The following RIMS1 variants were observed in gnomAD, a reference collection of about 807,000 sequenced individuals.
RIMS1 encodes regulating synaptic membrane exocytosis protein 1.
A neutral mutation model predicts 214.1 loss-of-function variants in RIMS1; 83 were observed. The observed-to-expected ratio is 0.39, with a 90% CI of 0.32 to 0.47. The LOEUF is 0.47. Ranked by LOEUF, RIMS1 falls within the 20% of genes least tolerant of loss-of-function variation. The pLI, the probability that RIMS1 is intolerant of heterozygous loss-of-function variation, is 0.99. For missense variants in RIMS1, 2,050 were observed against 2,161.8 expected (o/e 0.95, Z 1.03); for synonymous variants, 793 against 786.8 (o/e 1.01, Z -0.13).
chr6:72,301,027 G>T (rs999158351), intron 26 of RIMS1, among the ~76,000 whole-genome samples: 3 of 151,708 alleles, frequency 2.0e-5, no homozygotes, highest in Non-Finnish European at 4.4e-5. Context: ...TTTCACTTAT[G>T]TGTTACTCAC....
intron 4 of RIMS1, among the ~76,000 whole-genome samples, chr6:72,137,754 T>G (rs779996776): frequency 0.024 from 3,615 of 148,166 alleles, 43 homozygotes; most frequent in Admixed American, 0.042. Context: ...TTTTTTTTTT[T>G]GAGATGGAGT....
At chr6:72,308,820 A>G (rs927609406) in intron 27 of RIMS1, among the ~76,000 whole-genome samples, 2 of 152,114 alleles carry the variant, frequency 1.3e-5, no homozygotes, top group Non-Finnish European at 2.9e-5. Flanking sequence ...AGCTCCATAC[A>G]GGTTTATCTT....
At chr6:72,377,709 A>T (rs984210497) in intron 29 of RIMS1, among the ~76,000 whole-genome samples, 1 of 152,204 alleles carries the variant, frequency 6.6e-6, no homozygotes, top group Non-Finnish European at 1.5e-5. Flanking sequence ...TATTTTATAT[A>T]TACAGACATA....
chr6:72,151,460 A>G (rs1370757700), intron 4 of RIMS1, among the ~76,000 whole-genome samples: 2 of 152,214 alleles, frequency 1.3e-5, no homozygotes, highest in South Asian at 2.1e-4. Context: ...TGATTTTTCT[A>G]TAGCTTCCTC....
chr6:72,324,027 CATAGATAGATAGATAGATAGATAG>C (rs70994121), intron 28 of RIMS1, among the ~76,000 whole-genome samples: 1 of 145,888 alleles, frequency 6.9e-6, no homozygotes, highest in African/African-American at 2.5e-5. Flanking sequence ...TGCATGCATG[CATAGATAGATAGATAGATAGATAG>C]ATAGATAGAT....
chr6:72,150,159 G>A (rs1009242987), intron 4 of RIMS1, among the ~76,000 whole-genome samples: 2 of 149,450 alleles, frequency 1.3e-5, no homozygotes, highest in Non-Finnish European at 3.0e-5. Flanking sequence ...TATGGGCTCA[G>A]AATGGGGAGG....
intron 2 of RIMS1, among the ~76,000 whole-genome samples, chr6:71,992,434 C>CT (rs1196341289): frequency 1.2e-4 from 14 of 119,718 alleles, no homozygotes; most frequent in African/African-American, 4.8e-4. Context: ...TTCTTTCTTT[C>CT]TTTCTTTCTT....
chr6:72,075,599 T>G (rs1257107664), intron 2 of RIMS1, among the ~76,000 whole-genome samples: 1 of 152,210 alleles, frequency 6.6e-6, no homozygotes, highest in African/African-American at 2.4e-5. Context: ...AATCCTGGCA[T>G]CCATGCTTAA....
At chr6:72,191,636 A>T (rs373671729) in intron 6 of RIMS1, among the ~76,000 whole-genome samples, 2 of 152,228 alleles carry the variant, frequency 1.3e-5, no homozygotes, top group African/African-American at 4.8e-5. Flanking sequence ...GCTGAAGGCA[A>T]ATTGCTTTTG....
At chr6:72,369,938 T>C (rs1231954039) in intron 29 of RIMS1, among the ~76,000 whole-genome samples, 1 of 152,120 alleles carries the variant, frequency 6.6e-6, no homozygotes, top group Non-Finnish European at 1.5e-5. Flanking sequence ...CTTCAGAGAG[T>C]TAAGGAGATC....
At chr6:72,043,811 T>G (rs1822170805) in intron 2 of RIMS1, among the ~76,000 whole-genome samples, 1 of 151,602 alleles carries the variant, frequency 6.6e-6, no homozygotes, top group Non-Finnish European at 1.5e-5. Context: ...ATTTAATGAA[T>G]AAAATTTCAA....
At chr6:72,041,140 G>A (rs1384179353) in intron 2 of RIMS1, among the ~76,000 whole-genome samples, 2 of 151,832 alleles carry the variant, frequency 1.3e-5, no homozygotes, top group Admixed American at 1.3e-4. Context: ...TGGGCTTTAT[G>A]CACATAATTA....
intron 6 of RIMS1, among the ~76,000 whole-genome samples, chr6:72,229,104 A>C (rs2061177642): frequency 6.6e-6 from 1 of 151,760 alleles, no homozygotes; most frequent in Admixed American, 6.6e-5. Context: ...TAAAATTGTT[A>C]AAGAAGTTCT....
At chr6:71,981,247 A>T (rs1437154700) in intron 2 of RIMS1, among the ~76,000 whole-genome samples, 1 of 152,120 alleles carries the variant, frequency 6.6e-6, no homozygotes, top group Non-Finnish European at 1.5e-5. Flanking sequence ...ATGAAACTTT[A>T]TAAAGTATTG....
intron 29 of RIMS1, among the ~76,000 whole-genome samples, chr6:72,340,311 G>T (rs1316337941): frequency 6.6e-6 from 1 of 151,524 alleles, no homozygotes; most frequent in Non-Finnish European, 1.5e-5. Flanking sequence ...TGTCAATTTT[G>T]GCTTTTGTTG....
At chr6:72,034,899 C>T (rs1433568758) in intron 2 of RIMS1, among the ~76,000 whole-genome samples, 1 of 152,008 alleles carries the variant, frequency 6.6e-6, no homozygotes, top group African/African-American at 2.4e-5. Flanking sequence ...TTTAAATGAG[C>T]AAATTAATTG....
intron 2 of RIMS1, among the ~76,000 whole-genome samples, chr6:72,060,888 C>A (rs78959046): frequency 6.6e-6 from 1 of 152,078 alleles, no homozygotes; most frequent in Non-Finnish European, 1.5e-5. Flanking sequence ...GTACTTAACA[C>A]GTTTCCTTAT....
chr6:72,161,675 A>T (rs2045433454), intron 4 of RIMS1, among the ~76,000 whole-genome samples: 1 of 139,832 alleles, frequency 7.2e-6, no homozygotes, highest in South Asian at 2.4e-4. Context: ...GAGGTTGTTC[A>T]GTATCCATGT....
At chr6:72,145,711 G>A (rs1308491945) in intron 4 of RIMS1, among the ~76,000 whole-genome samples, 1 of 152,100 alleles carries the variant, frequency 6.6e-6, no homozygotes, top group Non-Finnish European at 1.5e-5. Context: ...TGTTCCCAAG[G>A]GGCTTTTATT....
Sources: allele counts gnomAD v4.1 joint callset (sites outside exome capture counted in the v4.1 genomes callset), GRCh38; gene constraint gnomAD v4.1.1; transcripts MANE v1.5; gene names NCBI Gene and HGNC (gene_info 2026-07-23, HGNC 2026-07-21).